The following USP33 variants were observed in gnomAD, a reference collection of about 807,000 sequenced individuals.
USP33 encodes ubiquitin specific peptidase 33.
In USP33, 46 loss-of-function variants were observed where a neutral mutation model predicts 124.2. The observed-to-expected ratio is 0.37, with a 90% CI of 0.29 to 0.47. USP33 has a LOEUF of 0.47. Ranked by LOEUF, USP33 falls within the 20% of genes least tolerant of loss-of-function variation. The pLI is 0.99. For missense variants in USP33, 851 were observed against 1,070.6 expected (o/e 0.79, Z 2.86); for synonymous variants, 350 against 352.3 (o/e 0.99, Z 0.07).
intron 1 of USP33, among the ~76,000 whole-genome samples, chr1:77,756,028 A>T (rs1680771809): frequency 6.6e-6 from 1 of 152,228 alleles, no homozygotes; most frequent in Non-Finnish European, 1.5e-5. Flanking sequence ...TTTGAAAGTC[A>T]GTGTCCTTCT....
chr1:77,709,871 A>C (rs997065983), intron 21 of USP33, among the ~76,000 whole-genome samples: 2 of 132,928 alleles, frequency 1.5e-5, no homozygotes, highest in Admixed American at 1.5e-4. Flanking sequence ...GTTTCTATAC[A>C]TGCATACACA....
At position 77,697,184 on chromosome 1, in the gene USP33, T is replaced by C. The variant is rs1344839606; in HGVS notation, c.*133A>G. ...TAATATATTCTTCCATAATGCCCAC[T>C]AAGAAGAAATAAATGGGATAAATGA... On this transcript the variant is annotated 3_prime_UTR_variant, in exon 24 of 24. Transcript: ENST00000370794. 1 of 846,964 alleles carries C rather than the reference T, an allele frequency of 1.2e-6. No homozygotes were observed. The allele number at this position is 846,964 out of a possible 1,614,324, so 52.5% of individuals were successfully genotyped here. A position where few individuals can be genotyped will look rare whatever the true frequency, so the allele number is the denominator to read the frequency against.
At chr1:77,721,962 T>C (rs752570588) in intron 13 of USP33, 37 bp from the exon 14 acceptor site, 5 of 1,604,218 alleles carry the variant, frequency 3.1e-6, no homozygotes, top group Admixed American at 3.5e-5. Context: ...GGAAGTGTTC[T>C]GCCAGTACAG....
chr1:77,707,485 G>A (rs1169332572), intron 21 of USP33, among the ~76,000 whole-genome samples: 1 of 152,120 alleles, frequency 6.6e-6, no homozygotes, highest in African/African-American at 2.4e-5. Flanking sequence ...CCTTACATAT[G>A]CAAATACCCT....
chr1:77,747,312 T>C (rs993833720), intron 1 of USP33, among the ~76,000 whole-genome samples: 1 of 149,658 alleles, frequency 6.7e-6, no homozygotes, highest in South Asian at 2.1e-4. Flanking sequence ...GGGAGTGCAG[T>C]GGCATGATCA....
intron 14 of USP33, 72 bp from the exon 15 acceptor site, chr1:77,721,277 T>G: frequency 1.9e-6 from 3 of 1,569,788 alleles, no homozygotes; most frequent in Non-Finnish European, 2.6e-6. Flanking sequence ...TGTAATTATT[T>G]GATTTTGCCC....
chr1:77,742,132 C>T (rs962737267), intron 1 of USP33, among the ~76,000 whole-genome samples: 1 of 151,806 alleles, frequency 6.6e-6, no homozygotes, highest in African/African-American at 2.4e-5. Context: ...AAAAATTAAT[C>T]CTTAGGCTGG....
At chr1:77,751,525 C>T (rs1049240369) in intron 1 of USP33, among the ~76,000 whole-genome samples, 1 of 152,064 alleles carries the variant, frequency 6.6e-6, no homozygotes, top group Non-Finnish European at 1.5e-5. Flanking sequence ...GGCCTGGTGG[C>T]ATGCCCCTGC....
rs1679081291 is a variant in USP33, at chr1:77,741,224, A to G, written c.135+152T>C. On this transcript the variant is annotated intron_variant, in intron 3 of 23. Coordinates refer to ENST00000370794, the MANE Select transcript of USP33 (RefSeq NM_201624.3). ...AAGCACTACAGATTAAGATCTTTCC[A>G]AAGTTTAATTTTTGTTATTAATAAT... 9 of 751,600 alleles carry G rather than the reference A, an allele frequency of 1.2e-5. No individual in the cohort carries two copies. In the East Asian group the frequency reaches 2.2e-4, roughly 19 times the overall value. 46.6% of individuals were successfully genotyped at this position (751,600 alleles called of 1,614,324 possible).
At chr1:77,711,140 C>CT (rs1323364899) in intron 21 of USP33, among the ~76,000 whole-genome samples, 1 of 151,780 alleles carries the variant, frequency 6.6e-6, no homozygotes, top group East Asian at 1.9e-4. Flanking sequence ...ACAACACTAA[C>CT]TTAAGGAAAC....
chr1:77,720,464 C>T, intron 15 of USP33: 1 of 985,386 alleles, frequency 1.0e-6, no homozygotes, highest in Non-Finnish European at 1.2e-6. Flanking sequence ...CTTTATCAAC[C>T]AAATAGTATA....
intron 22 of USP33, among the ~76,000 whole-genome samples, chr1:77,698,890 G>A (rs1673710050): frequency 6.6e-6 from 1 of 152,074 alleles, no homozygotes. Flanking sequence ...TAATTTGAAA[G>A]AAATTATACA....
intron 1 of USP33, among the ~76,000 whole-genome samples, chr1:77,755,750 C>A (rs957920509): frequency 2.6e-5 from 4 of 152,150 alleles, no homozygotes; most frequent in Admixed American, 1.3e-4. Context: ...AAAGTTAAAA[C>A]CTGTGGGAAA....
chr1:77,748,779 T>TTCCCC (rs1428350967), intron 1 of USP33, among the ~76,000 whole-genome samples: 8 of 47,634 alleles, frequency 1.7e-4, no homozygotes, highest in Non-Finnish European at 2.8e-4. Context: ...ATTCCTTCCC[T>TTCCCC]CCCCCCCCCC....
At chr1:77,697,982 T>A in intron 22 of USP33, 51 bp from the exon 23 acceptor site, 1 of 1,507,046 alleles carries the variant, frequency 6.6e-7, no homozygotes, top group South Asian at 1.2e-5. Flanking sequence ...TAACAAAAAA[T>A]TGCATAATTT....
At position 77,728,281 on chromosome 1, in the gene USP33, T is replaced by C; in HGVS notation, c.1135+14A>G. On this transcript the variant is annotated intron_variant, in intron 10 of 23. Transcript: ENST00000370794. ...AATACTATCATTTTCATGAACAAAC[T>C]ACTAAATTGTCACCTGAAGCTCTGC... The C allele has an allele frequency of 2.6e-6, 4 of 1,550,486 alleles. No individual in the cohort carries two copies. The highest frequency in any genetic ancestry group is 3.5e-6 in the Non-Finnish European group (4 of 1,153,742).
chr1:77,742,915 ATTATTTAT>A (rs531632530), intron 1 of USP33, among the ~76,000 whole-genome samples: 10,755 of 147,672 alleles, frequency 0.073, 459 homozygotes, highest in Middle Eastern at 0.12. Flanking sequence ...TCTGCCTTTT[ATTATTTAT>A]TTATTTATTT....
chr1:77,743,269 C>T (rs1679337499), intron 1 of USP33, among the ~76,000 whole-genome samples: 1 of 152,034 alleles, frequency 6.6e-6, no homozygotes, highest in Admixed American at 6.6e-5. Context: ...AAACCCATTG[C>T]AATAAATTTG....
At chr1:77,737,006 C>A (rs1678540940) in intron 5 of USP33, among the ~76,000 whole-genome samples, 1 of 151,500 alleles carries the variant, frequency 6.6e-6, no homozygotes, top group Non-Finnish European at 1.5e-5. Context: ...GAGGTTGCAA[C>A]TGATAACCTG....
Sources: gnomAD v4.1 joint callset for allele counts (sites outside exome capture counted in the v4.1 genomes callset) on GRCh38, gnomAD v4.1.1 for gene constraint, MANE v1.5 for transcripts, NCBI Gene and HGNC (gene_info 2026-07-23, HGNC 2026-07-21) for gene names.